TMEM271: variants seen among roughly 807,000 people sequenced by gnomAD.
TMEM271 encodes transmembrane protein 271.
Position 574,750 on chromosome 4 carries a change from G to A in TMEM271, c.*155C>T, listed in dbSNP as rs766537594. The A allele has an allele frequency of 2.8e-5, 11 of 391,782 alleles. No homozygotes were observed. Among genetic ancestry groups the A allele is most frequent in the Middle Eastern group, 6.3e-4 (1 of 1,588 alleles). 24.3% of individuals were successfully genotyped at this position (391,782 alleles called of 1,614,324 possible). ...CGGAGCCCGCAGAGGGGGCCAGGCC[G>A]GAGGCTGCAAAGCCACGTGGAAGAG... On this transcript the variant is annotated 3_prime_UTR_variant, in exon 1 of 1. Transcript: ENST00000610212.
At position 575,505 on chromosome 4, in the gene TMEM271, C is replaced by G. The variant is rs866764730; in HGVS notation, c.558G>C (p.Ala186=). The G allele has an allele frequency of 6.6e-4, 195 of 293,822 alleles. No homozygotes were observed. The highest frequency in any genetic ancestry group is 2.0e-3 in the Middle Eastern group (2 of 1,012). 18.2% of individuals were successfully genotyped at this position (293,822 alleles called of 1,614,324 possible). A position where few individuals can be genotyped will look rare whatever the true frequency, so the allele number is the denominator to read the frequency against. ...GSAPGSAPGS[A]PGSAPGAPRA... is the part of the protein sequence containing the mutation. ...GCGGGGCGCCGGGGGCCGAGCCCGG[C>G]GCCGAGCCGGGGGCCGAGCCCGGGG... Residue 186 remains alanine, a synonymous_variant, in exon 1 of 1, where the codon GCG becomes GCC. Coordinates refer to ENST00000610212, the MANE Select transcript of TMEM271 (RefSeq NM_001362796.2).
Position 576,081 on chromosome 4 carries a change from C to A in TMEM271, c.-19G>T. 7.9e-6 allele frequency: 2 copies of A among 253,114 alleles called. No individual in the cohort carries two copies. Among genetic ancestry groups the A allele is most frequent in the Non-Finnish European group, 1.5e-5 (2 of 133,980 alleles). 15.7% of individuals were successfully genotyped at this position (253,114 alleles called of 1,614,324 possible). A position where few individuals can be genotyped will look rare whatever the true frequency, so the allele number is the denominator to read the frequency against. ...ACTTCATCCTCCGCGCCCGAGCCGGCCCGCACCCCGCGCGCCCGCCGCCGC... is the reference window on the plus strand; with the variant it reads ...ACTTCATCCTCCGCGCCCGAGCCGGACCGCACCCCGCGCGCCCGCCGCCGC... On this transcript the variant is annotated 5_prime_UTR_variant, in exon 1 of 1. Coordinates refer to ENST00000610212, the MANE Select transcript of TMEM271 (RefSeq NM_001362796.2).
chr4:574,843 G>T lies in TMEM271; in HGVS notation c.*62C>A. 5.1e-6 allele frequency: 2 copies of T among 394,612 alleles called. No homozygotes were observed. The highest frequency in any genetic ancestry group is 8.9e-6 in the Non-Finnish European group (2 of 223,470). 24.4% of individuals were successfully genotyped at this position (394,612 alleles called of 1,614,324 possible). A position where few individuals can be genotyped will look rare whatever the true frequency, so the allele number is the denominator to read the frequency against. ...CGTCCTCCCTTGCCGCGGGGGTCCTGAGCGGGGCGGGGTGGGTGGAACGCA... is the reference window on the plus strand; with the variant it reads ...CGTCCTCCCTTGCCGCGGGGGTCCTTAGCGGGGCGGGGTGGGTGGAACGCA... On this transcript the variant is annotated 3_prime_UTR_variant, in exon 1 of 1. Coordinates refer to ENST00000610212, the MANE Select transcript of TMEM271 (RefSeq NM_001362796.2).
rs1732418772 is a variant in TMEM271 at position 575,548 on chromosome 4, C to A, written c.515G>T (p.Gly172Val). ...APGSSPGSAP[G>V]STPGSAPGSA... ...GCCCGGGGCCGAGCCGGGGGTTGAG[C>A]CCGGGGCCGAGCCGGGGCTCGAACC... The change falls in exon 1 of 1, where the codon GGC (glycine) becomes GTC (valine). Residue 172 changes from glycine (G) to valine (V), a missense_variant. By Grantham distance (109) the Gly-to-Val change is moderately radical. Transcript: ENST00000610212. 3.0e-6 allele frequency: 1 copy of A among 331,768 alleles called. No homozygotes were observed. The highest frequency in any genetic ancestry group is 5.5e-6 in the Non-Finnish European group (1 of 182,924). The allele number at this position is 331,768 out of a possible 1,614,324, so 20.6% of individuals were successfully genotyped here. A position where few individuals can be genotyped will look rare whatever the true frequency, so the allele number is the denominator to read the frequency against.
Position 574,813 on chromosome 4 carries a change from C to A in TMEM271, c.*92G>T. 1 of 393,258 alleles carries A rather than the reference C, an allele frequency of 2.5e-6. No individual in the cohort carries two copies. Among genetic ancestry groups the A allele is most frequent in the South Asian group, 1.4e-4 (1 of 7,338 alleles). 24.4% of individuals were successfully genotyped at this position (393,258 alleles called of 1,614,324 possible). On this transcript the variant is annotated 3_prime_UTR_variant, in exon 1 of 1. Coordinates refer to ENST00000610212, the MANE Select transcript of TMEM271 (RefSeq NM_001362796.2). ...AGGCCTGGCCCTGGACCCCGCCCCGCTGCCCGTCCTCCCTTGCCGCGGGGG... is the reference window on the plus strand; with the variant it reads ...AGGCCTGGCCCTGGACCCCGCCCCGATGCCCGTCCTCCCTTGCCGCGGGGG...
At position 576,120 on chromosome 4, in the gene TMEM271, C is replaced by A. The variant is rs1383666925; in HGVS notation, c.-58G>T. 2 of 147,890 alleles carry A rather than the reference C, an allele frequency of 1.4e-5. No homozygotes were observed. The highest frequency in any genetic ancestry group is 3.6e-4 in the South Asian group (2 of 5,610). 9.2% of individuals were successfully genotyped at this position (147,890 alleles called of 1,614,324 possible). On this transcript the variant is annotated 5_prime_UTR_variant, in exon 1 of 1. Transcript: ENST00000610212. The stretch of plus-strand genomic sequence containing the variant: ...GCCCGCCGCCGCCCGCCGCCGCCCC[C>A]GCCGCCTGCGCCTCCTCCCGGCGCC...
chr4:574,455 T>C lies in TMEM271; in HGVS notation c.*450A>G, dbSNP rs1732394566. The stretch of plus-strand genomic sequence containing the variant: ...TGCTGTTGGGTGTTCTCACTTCTTC[T>C]TTCTGAATTACCAGCTGCTCTGCGT... On this transcript the variant is annotated 3_prime_UTR_variant, in exon 1 of 1. Transcript: ENST00000610212. The C allele has an allele frequency of 6.4e-6, 1 of 157,436 alleles. No individual in the cohort carries two copies. The highest frequency in any genetic ancestry group is 2.4e-5 in the African/African-American group (1 of 41,688). 9.8% of individuals were successfully genotyped at this position (157,436 alleles called of 1,614,324 possible). A position where few individuals can be genotyped will look rare whatever the true frequency, so the allele number is the denominator to read the frequency against.
In TMEM271 at chr4:574,384, A is replaced by G. The variant is rs1475844148; in HGVS notation, c.*521T>C. The G allele has an allele frequency of 6.6e-6, 1 of 152,568 alleles. No homozygotes were observed. Among genetic ancestry groups the G allele is most frequent in the Admixed American group, 6.5e-5 (1 of 15,300 alleles). The allele number at this position is 152,568 out of a possible 1,614,324, so 9.5% of individuals were successfully genotyped here. On this transcript the variant is annotated 3_prime_UTR_variant, in exon 1 of 1. Transcript: ENST00000610212. The stretch of plus-strand genomic sequence containing the variant: ...TTTCACTATTTATGGAGAGCTTTAC[A>G]GTAAGAAAGTATCAACAAAAGCAGG...
rs1732406038 is a variant in TMEM271 at position 575,053 on chromosome 4, G to T, written c.1010C>A (p.Ala337Glu). 9 of 397,022 alleles carry T rather than the reference G, an allele frequency of 2.3e-5. No homozygotes were observed. Among genetic ancestry groups the T allele is most frequent in the Non-Finnish European group, 4.0e-5 (9 of 225,086 alleles). 24.6% of individuals were successfully genotyped at this position (397,022 alleles called of 1,614,324 possible). Residue 337 changes from alanine (A) to glutamate (E), a missense_variant, in exon 1 of 1, where the codon GCG (alanine) becomes GAG (glutamate). Physicochemically the swap from Ala to Glu is moderately radical, Grantham distance 107 (BLOSUM62 -1). Transcript: ENST00000610212. ...NVGVLHALDE[A>E]GAEVRCGGHP... The stretch of plus-strand genomic sequence containing the variant: ...CCCCCCGCAGCGCACCTCCGCGCCC[G>T]CCTCGTCCAGCGCGTGGAGGACGCC...
rs1577196047 is a variant in TMEM271 at position 573,973 on chromosome 4, A to C, written c.*932T>G. ...AATCAACAGGAAAATTATCTATGCC[A>C]GAAAAACTATGACTGATTTTCCGAA... On this transcript the variant is annotated 3_prime_UTR_variant, in exon 1 of 1. Coordinates refer to ENST00000610212, the MANE Select transcript of TMEM271 (RefSeq NM_001362796.2). 1 of 152,242 alleles carries C rather than the reference A, an allele frequency of 6.6e-6. No individual in the cohort carries two copies. The highest frequency in any genetic ancestry group is 1.5e-5 in the Non-Finnish European group (1 of 68,034). The allele number at this position is 152,242 out of a possible 1,614,324, so 9.4% of individuals were successfully genotyped here.
Position 575,943 on chromosome 4 carries a change from C to A in TMEM271, c.120G>T (p.Gly40=). ...KCFSLGSELR[G]EPFRLGAAAG... ...CGGCGGCCCCCAGGCGGAACGGCTCCCCGCGCAGCTCCGAGCCCAACGAGA... is the reference window on the plus strand; with the variant it reads ...CGGCGGCCCCCAGGCGGAACGGCTCACCGCGCAGCTCCGAGCCCAACGAGA... Residue 40 remains glycine (G), a synonymous_variant, in exon 1 of 1, where the codon GGG becomes GGT. Transcript: ENST00000610212. 1 of 374,102 alleles carries A rather than the reference C, an allele frequency of 2.7e-6. No homozygotes were observed. Among genetic ancestry groups the A allele is most frequent in the Non-Finnish European group, 4.8e-6 (1 of 210,364 alleles). The allele number at this position is 374,102 out of a possible 1,614,324, so 23.2% of individuals were successfully genotyped here. A position where few individuals can be genotyped will look rare whatever the true frequency, so the allele number is the denominator to read the frequency against.
In TMEM271 at chr4:574,806, C is replaced by A. The variant is rs540634778; in HGVS notation, c.*99G>T. On this transcript the variant is annotated 3_prime_UTR_variant, in exon 1 of 1. Coordinates refer to ENST00000610212, the MANE Select transcript of TMEM271 (RefSeq NM_001362796.2). ...GCCCCTGAGGCCTGGCCCTGGACCC[C>A]GCCCCGCTGCCCGTCCTCCCTTGCC... The A allele has an allele frequency of 8.2e-4, 323 of 392,904 alleles. 1 individual carries two copies. Among genetic ancestry groups the A allele is most frequent in the African/African-American group, 6.4e-3 (310 of 48,472 alleles). 24.3% of individuals were successfully genotyped at this position (392,904 alleles called of 1,614,324 possible). A position where few individuals can be genotyped will look rare whatever the true frequency, so the allele number is the denominator to read the frequency against.
In TMEM271 at chr4:575,383, A is replaced by G; in HGVS notation, c.680T>C (p.Leu227Pro). ...GCTGAGCAGGCCCAGCAGGCACTCA[A>G]GCGAGTTGAAGACGGTGGAGAGCAC... ...GLVLSTVFNSLECLLGLLSLL... is the reference protein window; with the variant it reads ...GLVLSTVFNSPECLLGLLSLL... The change falls in exon 1 of 1, where the codon CTT becomes CCT. Residue 227 changes from leucine (L) to proline (P), a missense_variant. Physicochemically the swap from Leu to Pro is moderately conservative, Grantham distance 98. Transcript: ENST00000610212. 3.6e-6 allele frequency: 1 copy of G among 274,468 alleles called. No individual in the cohort carries two copies. Among genetic ancestry groups the G allele is most frequent in the Non-Finnish European group, 6.8e-6 (1 of 145,996 alleles). The allele number at this position is 274,468 out of a possible 1,614,324, so 17.0% of individuals were successfully genotyped here. A position where few individuals can be genotyped will look rare whatever the true frequency, so the allele number is the denominator to read the frequency against.
rs888681858 is a variant in TMEM271 at position 575,210 on chromosome 4, C to T, written c.853G>A (p.Gly285Ser). 1 of 336,774 alleles carries T rather than the reference C, an allele frequency of 3.0e-6. No homozygotes were observed. The highest frequency in any genetic ancestry group is 5.3e-6 in the Non-Finnish European group (1 of 187,232). 20.9% of individuals were successfully genotyped at this position (336,774 alleles called of 1,614,324 possible). The change falls in exon 1 of 1, where the codon GGC becomes AGC. Residue 285 changes from glycine (G) to serine (S), a missense_variant. Transcript: ENST00000610212. ...TGCTGCAGCCGCCGCCCCCGCCGGCCCCGCCGGCCCCGGCGCGCCCGAGAG... is the reference window on the plus strand; with the variant it reads ...TGCTGCAGCCGCCGCCCCCGCCGGCTCCGCCGGCCCCGGCGCGCCCGAGAG... ...PASRARRGRRGRRGRRLQQRP... is the reference protein window; with the variant it reads ...PASRARRGRRSRRGRRLQQRP...
Position 575,657 on chromosome 4 carries a change from A to G in TMEM271, c.406T>C (p.Phe136Leu). 1 of 357,292 alleles carries G rather than the reference A, an allele frequency of 2.8e-6. No homozygotes were observed. The highest frequency in any genetic ancestry group is 5.0e-6 in the Non-Finnish European group (1 of 199,272). 22.1% of individuals were successfully genotyped at this position (357,292 alleles called of 1,614,324 possible). The change falls in exon 1 of 1, where the codon TTC (phenylalanine) becomes CTC (leucine). Residue 136 changes from phenylalanine to leucine, a missense_variant. Coordinates refer to ENST00000610212, the MANE Select transcript of TMEM271 (RefSeq NM_001362796.2). Reference sequence around the variant, plus strand: ...TCGCCGTCGATCACGGCGCCCGCGAATGCGCTGAGGACCCCGAGCATGAAG... The same window carrying G: ...TCGCCGTCGATCACGGCGCCCGCGAGTGCGCTGAGGACCCCGAGCATGAAG... The part of the protein sequence containing the change: ...LVFMLGVLSA[F>L]AGAVIDGDTV...
At position 575,181 on chromosome 4, in the gene TMEM271, C is replaced by T; in HGVS notation, c.882G>A (p.Arg294=). 5.2e-6 allele frequency: 2 copies of T among 386,630 alleles called. No individual in the cohort carries two copies. Among genetic ancestry groups the T allele is most frequent in the Non-Finnish European group, 9.1e-6 (2 of 219,230 alleles). 23.9% of individuals were successfully genotyped at this position (386,630 alleles called of 1,614,324 possible). A position where few individuals can be genotyped will look rare whatever the true frequency, so the allele number is the denominator to read the frequency against. ...GGGACAGGATGGAGGCCTCGCTCGG[C>T]CGCTGCTGCAGCCGCCGCCCCCGCC... ...RGRRGRRLQQ[R]PSEASILSPE... The change falls in exon 1 of 1, where the codon CGG becomes CGA. Residue 294 remains arginine (R), a synonymous_variant. Coordinates refer to ENST00000610212, the MANE Select transcript of TMEM271 (RefSeq NM_001362796.2).
chr4:574,895 G>A lies in TMEM271; in HGVS notation c.*10C>T, dbSNP rs1012458738. The A allele has an allele frequency of 2.5e-6, 1 of 396,268 alleles. No homozygotes were observed. The highest frequency in any genetic ancestry group is 4.5e-6 in the Non-Finnish European group (1 of 224,470). The allele number at this position is 396,268 out of a possible 1,614,324, so 24.5% of individuals were successfully genotyped here. ...GCGCGGTCCGCGGGATGGGGGTCCG[G>A]CCCGCGGGATCAGCAGGCCCGATGG... is the stretch of plus-strand genomic sequence containing the variant. On this transcript the variant is annotated 3_prime_UTR_variant, in exon 1 of 1. Coordinates refer to ENST00000610212, the MANE Select transcript of TMEM271 (RefSeq NM_001362796.2).
rs988617967 is a variant in TMEM271, at chr4:575,349, G to C, written c.714C>G (p.Leu238=). 1.2e-5 allele frequency: 3 copies of C among 252,788 alleles called. No individual in the cohort carries two copies. The highest frequency in any genetic ancestry group is 1.5e-5 in the Non-Finnish European group (2 of 132,648). The allele number at this position is 252,788 out of a possible 1,614,324, so 15.7% of individuals were successfully genotyped here. The change falls in exon 1 of 1, where the codon CTC becomes CTG. Residue 238 remains leucine (L), a synonymous_variant. Coordinates refer to ENST00000610212, the MANE Select transcript of TMEM271 (RefSeq NM_001362796.2). ...CCTGCGACGACTTGTAGTTCTTGACGAGCAGGAGGCTGAGCAGGCCCAGCA... is the reference window on the plus strand; with the variant it reads ...CCTGCGACGACTTGTAGTTCTTGACCAGCAGGAGGCTGAGCAGGCCCAGCA... ...ECLLGLLSLL[L]VKNYKSSQAR...
At position 575,178 on chromosome 4, in the gene TMEM271, C is replaced by G; in HGVS notation, c.885G>C (p.Pro295=). ...CCGGGGACAGGATGGAGGCCTCGCT[C>G]GGCCGCTGCTGCAGCCGCCGCCCCC... ...GRRGRRLQQR[P]SEASILSPEE... is the part of the protein sequence containing the mutation. The change falls in exon 1 of 1, where the codon CCG becomes CCC. Residue 295 remains proline, a synonymous_variant. Coordinates refer to ENST00000610212, the MANE Select transcript of TMEM271 (RefSeq NM_001362796.2). 2.6e-6 allele frequency: 1 copy of G among 387,456 alleles called. No individual in the cohort carries two copies. The highest frequency in any genetic ancestry group is 3.6e-5 in the East Asian group (1 of 27,476). 24.0% of individuals were successfully genotyped at this position (387,456 alleles called of 1,614,324 possible).
Sources: gnomAD v4.1 joint callset for allele counts on GRCh38, gnomAD v4.1.1 for gene constraint, MANE v1.5 for transcripts, NCBI Gene and HGNC (gene_info 2026-07-23, HGNC 2026-07-21) for gene names.